Variants in HIC2 observed in about 807,000 individuals in gnomAD.
HIC2 encodes the protein hypermethylated in cancer 2 protein.
Under a neutral mutation model 39.5 loss-of-function variants are expected in HIC2, and 2 were observed. The ratio of observed to expected loss-of-function variants is 0.05; its 90% CI spans 0.02 to 0.16. The LOEUF (loss-of-function observed/expected upper bound fraction) is 0.16, where lower values mean the gene tolerates loss of function less well. HIC2 is among the 10% of genes least tolerant of loss of function. The probability of loss-of-function intolerance (pLI) is 1.00; values close to 1 mark genes in which losing one functional copy is unlikely to be tolerated. For synonymous variants in HIC2, 399 were observed against 368.8 expected, an observed-to-expected ratio of 1.08 and a Z score of -0.94; for missense variants, 713 against 863.5, an observed-to-expected ratio of 0.83 and a Z score of 2.18.
At position 21,447,709 on chromosome 22, in the gene HIC2, T is replaced by G. The variant is rs1923933827; in HGVS notation, c.*966T>G. 8.9e-6 allele frequency: 1 copy of G among 111,752 alleles called. No homozygotes were observed. The highest frequency in any genetic ancestry group is 1.2e-4 in the Admixed American group (1 of 8,656). The allele number at this position is 111,752 out of a possible 1,614,324, so 6.9% of individuals were successfully genotyped here. On this transcript the variant is annotated 3_prime_UTR_variant, in exon 3 of 3. Transcript: ENST00000407464. ...CTGTTTGAACTGGAAGGTCTGGGGT[T>G]CCGGGGGGTGGGGGGAGGCTAGACT...
At chr22:21,443,825 G>T (rs562095867) in intron 2 of HIC2, among the ~76,000 whole-genome samples, 45 of 152,258 alleles carry the variant, frequency 3.0e-4, no homozygotes, top group African/African-American at 1.1e-3. Flanking sequence ...GGCTGAGGAT[G>T]GCTTTGAGTC....
Position 21,446,045 on chromosome 22 carries a change from C to G in HIC2, c.1150C>G (p.Pro384Ala). Residue 384 changes from proline to alanine, a missense_variant, in exon 3 of 3, where the codon CCT becomes GCT. Coordinates refer to ENST00000407464, the MANE Select transcript of HIC2 (RefSeq NM_015094.3). ...PNGILASGAG[P>A]SGPYGEPPYP... ...TGGCATCCTGGCTAGTGGGGCTGGCCCTAGCGGGCCCTATGGGGAGCCCCC... is the reference window on the plus strand; with the variant it reads ...TGGCATCCTGGCTAGTGGGGCTGGCGCTAGCGGGCCCTATGGGGAGCCCCC... 6.2e-7 allele frequency: 1 copy of G among 1,600,652 alleles called. No individual in the cohort carries two copies. The highest frequency in any genetic ancestry group is 1.7e-4 in the Middle Eastern group (1 of 6,024).
At chr22:21,421,711 C>T (rs907569797) in intron 1 of HIC2, among the ~76,000 whole-genome samples, 4 of 90,884 alleles carry the variant, frequency 4.4e-5, no homozygotes, top group African/African-American at 1.2e-4. Flanking sequence ...ATCGTAGGAT[C>T]TTAGGTGCAT....
chr22:21,448,708 C>T lies in HIC2; in HGVS notation c.*1965C>T, dbSNP rs1393108238. 2.6e-5 allele frequency: 4 copies of T among 152,708 alleles called. No individual in the cohort carries two copies. Among genetic ancestry groups the T allele is most frequent in the African/African-American group, 7.2e-5 (3 of 41,432 alleles). The allele number at this position is 152,708 out of a possible 1,614,324, so 9.5% of individuals were successfully genotyped here. A position where few individuals can be genotyped will look rare whatever the true frequency, so the allele number is the denominator to read the frequency against. The stretch of plus-strand genomic sequence containing the variant: ...TGAGGGAGCTTGGGTAGATGAGGCT[C>T]CTGGCTGAGCCCTCCCTGTGGTGAT... On this transcript the variant is annotated 3_prime_UTR_variant, in exon 3 of 3. Transcript: ENST00000407464.
At chr22:21,425,727 T>C (rs1458950793) in intron 1 of HIC2, among the ~76,000 whole-genome samples, 1 of 148,466 alleles carries the variant, frequency 6.7e-6, no homozygotes, top group Non-Finnish European at 1.5e-5. Flanking sequence ...TTTTTTTTTT[T>C]TTTGAGACGG....
In HIC2 at chr22:21,448,091, C is replaced by G. The variant is rs1923960196; in HGVS notation, c.*1348C>G. ...TGGCCACATCCACCTCGAGGGGACC[C>G]TGGCACCCCGGGCACACAAACCTCT... On this transcript the variant is annotated 3_prime_UTR_variant, in exon 3 of 3. Transcript: ENST00000407464. The G allele has an allele frequency of 6.6e-6, 1 of 152,582 alleles. No individual in the cohort carries two copies. The highest frequency in any genetic ancestry group is 2.4e-5 in the African/African-American group (1 of 41,450). 9.5% of individuals were successfully genotyped at this position (152,582 alleles called of 1,614,324 possible). A position where few individuals can be genotyped will look rare whatever the true frequency, so the allele number is the denominator to read the frequency against.
rs1923727885 is a variant in HIC2 at position 21,445,154 on chromosome 22, A to G, written c.259A>G (p.Met87Val). The G allele has an allele frequency of 6.2e-7, 1 of 1,614,216 alleles. No homozygotes were observed. Among genetic ancestry groups the G allele is most frequent in the Non-Finnish European group, 8.5e-7 (1 of 1,180,042 alleles). ...CAACCTCATCAACCTGGACACAGAC[A>G]TGGTCAGCTCCACAGTGTTCCAGCA... Reference protein sequence around the residue: ...HDNLINLDTDMVSSTVFQQIL... With the variant: ...HDNLINLDTDVVSSTVFQQIL... Residue 87 changes from methionine to valine, a missense_variant, in exon 3 of 3, where the codon ATG (methionine) becomes GTG (valine). Transcript: ENST00000407464.
At chr22:21,431,832 ATTGG>A (rs1261550260) in intron 1 of HIC2, among the ~76,000 whole-genome samples, 6 of 64,010 alleles carry the variant, frequency 9.4e-5, no homozygotes, top group Non-Finnish European at 5.8e-5. Flanking sequence ...AATTTTAAAA[ATTGG>A]TTGGGCATCG....
At chr22:21,444,540 G>C (rs1179738113) in intron 2 of HIC2, among the ~76,000 whole-genome samples, 1 of 152,176 alleles carries the variant, frequency 6.6e-6, no homozygotes, top group Non-Finnish European at 1.5e-5. Flanking sequence ...AAAGCCATCT[G>C]GTCATTTTTG....
At chr22:21,418,102 G>A (rs987272034) in intron 1 of HIC2, among the ~76,000 whole-genome samples, 1 of 129,138 alleles carries the variant, frequency 7.7e-6, no homozygotes, top group Admixed American at 9.0e-5. Flanking sequence ...GGGCAGGGGC[G>A]GGCCTGGAGG....
rs1223717880 is a variant in HIC2, at chr22:21,417,527, CGGCG to C, written c.-101_-98del. On this transcript the variant is annotated 5_prime_UTR_variant, in exon 1 of 3. Coordinates refer to ENST00000407464, the MANE Select transcript of HIC2 (RefSeq NM_015094.3). ...AGGGCCGCTGGTAGGGCCGGCCGGC[CGGCG>C]GGCGGAGCGCCGCCGCCGACGCACA... 6 of 146,206 alleles carry C rather than the reference CGGCG, an allele frequency of 4.1e-5. No individual in the cohort carries two copies. The highest frequency in any genetic ancestry group is 1.5e-4 in the African/African-American group (6 of 40,614). The allele number at this position is 146,206 out of a possible 1,614,324, so 9.1% of individuals were successfully genotyped here.
Position 21,446,737 on chromosome 22 carries a change from C to T in HIC2, c.1842C>T (p.Pro614=), listed in dbSNP as rs750287731. Residue 614 remains proline (P), a synonymous_variant, in exon 3 of 3, where the codon CCC becomes CCT. Transcript: ENST00000407464. ...LISHLRMHTS[P]S ...GCCACCTGCGCATGCACACCTCCCC[C>T]TCCTAGAAGCCAAAGACCCGCGGGC... The T allele has an allele frequency of 1.3e-6, 2 of 1,597,912 alleles. No individual in the cohort carries two copies. Among genetic ancestry groups the T allele is most frequent in the East Asian group, 2.2e-5 (1 of 44,512 alleles).
chr22:21,446,055 C>T lies in HIC2; in HGVS notation c.1160C>T (p.Pro387Leu). The T allele has an allele frequency of 6.2e-7, 1 of 1,605,618 alleles. No individual in the cohort carries two copies. Residue 387 changes from proline (P) to leucine (L), a missense_variant, in exon 3 of 3, where the codon CCC becomes CTC. Coordinates refer to ENST00000407464, the MANE Select transcript of HIC2 (RefSeq NM_015094.3). ...ILASGAGPSG[P>L]YGEPPYPCKE... is the part of the protein sequence containing the mutation. ...GCTAGTGGGGCTGGCCCTAGCGGGC[C>T]CTATGGGGAGCCCCCCTACCCCTGC...
intron 2 of HIC2, among the ~76,000 whole-genome samples, chr22:21,444,349 C>T (rs1004624055): frequency 1.3e-5 from 2 of 152,218 alleles, no homozygotes; most frequent in East Asian, 3.8e-4. Flanking sequence ...AGCCCAGGGC[C>T]TTGGGGAGAG....
At chr22:21,421,964 G>T (rs1923088857) in intron 1 of HIC2, among the ~76,000 whole-genome samples, 1 of 19,060 alleles carries the variant, frequency 5.2e-5, no homozygotes, top group African/African-American at 9.3e-5. Context: ...TGCGGCTTGG[G>T]CTTCGGCTTC....
rs530313087 is a variant in HIC2 at position 21,446,940 on chromosome 22, G to T, written c.*197G>T. On this transcript the variant is annotated 3_prime_UTR_variant, in exon 3 of 3. Coordinates refer to ENST00000407464, the MANE Select transcript of HIC2 (RefSeq NM_015094.3). The stretch of plus-strand genomic sequence containing the variant: ...GCAGAGCCGAGAGGAGGGAAGCCAG[G>T]GGTCCCAGCCCGTCTACCTCCCCAT... 1.0e-4 allele frequency: 79 copies of T among 790,226 alleles called. No homozygotes were observed. The African/African-American group carries it at 1.3e-3, about 13-fold the overall frequency. The allele number at this position is 790,226 out of a possible 1,614,324, so 49.0% of individuals were successfully genotyped here. A position where few individuals can be genotyped will look rare whatever the true frequency, so the allele number is the denominator to read the frequency against.
chr22:21,430,838 T>C (rs1181385564), intron 1 of HIC2, among the ~76,000 whole-genome samples: 1 of 75,938 alleles, frequency 1.3e-5, no homozygotes, highest in African/African-American at 6.9e-5. Flanking sequence ...GTCACTGCAC[T>C]CCAGCCTGGG....
chr22:21,446,782 C>T lies in HIC2; in HGVS notation c.*39C>T. ...GCGGGCGCCCTCTGCCACCTTGCTC[C>T]CCGGGAACCCATGGAAGGAGAAGCG... On this transcript the variant is annotated 3_prime_UTR_variant, in exon 3 of 3. Coordinates refer to ENST00000407464, the MANE Select transcript of HIC2 (RefSeq NM_015094.3). 3 of 1,566,336 alleles carry T rather than the reference C, an allele frequency of 1.9e-6. No homozygotes were observed. Among genetic ancestry groups the T allele is most frequent in the Non-Finnish European group, 2.6e-6 (3 of 1,153,606 alleles).
intron 2 of HIC2, among the ~76,000 whole-genome samples, chr22:21,443,272 C>G (rs549450597): frequency 1.2e-3 from 181 of 152,340 alleles, no homozygotes; most frequent in African/African-American, 4.2e-3. Flanking sequence ...TGCTTGCTGC[C>G]TCTTGCTGTT....
Sources: gnomAD v4.1 joint callset for allele counts (sites outside exome capture counted in the v4.1 genomes callset) on GRCh38, gnomAD v4.1.1 for gene constraint, MANE v1.5 for transcripts, NCBI Gene and HGNC (gene_info 2026-07-23, HGNC 2026-07-21) for gene names.